RIN3: variants seen among roughly 807,000 people sequenced by gnomAD.
The protein encoded by RIN3 is RAB5 interacting protein 3.
A neutral mutation model predicts 76.3 loss-of-function variants in RIN3; 54 were observed. That is an observed-to-expected ratio of 0.71 (90% CI 0.57 to 0.89). RIN3 has a LOEUF of 0.89. Ranked by LOEUF, RIN3 falls within the 40% of genes least tolerant of loss-of-function variation. The pLI, the probability that RIN3 is intolerant of heterozygous loss-of-function variation, is 0.00. For synonymous variants in RIN3, 576 were observed against 564.0 expected (o/e 1.02, Z -0.30); for missense variants, 1,256 against 1,322.1 (o/e 0.95, Z 0.78).
At chr14:92,523,547 C>T (rs56819425) in intron 1 of RIN3, among the ~76,000 whole-genome samples, 11,140 of 152,288 alleles carry the variant, frequency 0.073, 1,374 homozygotes, top group African/African-American at 0.25. Context: ...CTTTGCAGGG[C>T]GACCTGCAAG....
chr14:92,601,659 C>T (rs866716045), intron 3 of RIN3, among the ~76,000 whole-genome samples: 6 of 152,158 alleles, frequency 3.9e-5, no homozygotes, highest in African/African-American at 1.4e-4. Context: ...GACATCTCCC[C>T]GGCCCTGCGG....
At chr14:92,613,947 G>A (rs1302504296) in intron 3 of RIN3, among the ~76,000 whole-genome samples, 1 of 152,194 alleles carries the variant, frequency 6.6e-6, no homozygotes, top group African/African-American at 2.4e-5. Flanking sequence ...GAGTTGTGGG[G>A]CAGGTGCCTG....
intron 1 of RIN3, among the ~76,000 whole-genome samples, chr14:92,553,248 G>A (rs1346642347): frequency 6.6e-6 from 1 of 152,168 alleles, no homozygotes; most frequent in Non-Finnish European, 1.5e-5. Context: ...TGGCCCGGGG[G>A]AGGCTGGGGC....
chr14:92,536,340 T>C (rs1178341473), intron 1 of RIN3, among the ~76,000 whole-genome samples: 3 of 152,234 alleles, frequency 2.0e-5, no homozygotes, highest in African/African-American at 7.2e-5. Context: ...TCTGTCCTTC[T>C]ATCTCTCCAT....
intron 9 of RIN3, chr14:92,687,471 G>C (rs574058858): frequency 6.1e-6 from 1 of 163,316 alleles, no homozygotes; most frequent in East Asian, 1.9e-4. Context: ...GGCTCTTGCA[G>C]CCCTAAGGGG....
At chr14:92,577,616 G>T in intron 3 of RIN3, 139 bp downstream of exon 3, 1 of 582,990 alleles carries the variant, frequency 1.7e-6, no homozygotes. Flanking sequence ...TTCAGTCACT[G>T]AAGTTACTTA....
In RIN3 at chr14:92,661,666, G is replaced by A. The variant is rs568898024; in HGVS notation, c.2335+2197G>A. On this transcript the variant is annotated intron_variant, in intron 7 of 9. Transcript: ENST00000216487. ...TTGAACCCGGGAGGCAGACGTTGCA[G>A]TGAGCCAAGATCATGCCACAGCATT... 4.0e-5 allele frequency among the ~76,000 whole-genome samples: 6 copies of A among 151,342 alleles called. No individual in the cohort carries two copies. The East Asian group carries it at 9.7e-4, about 25-fold the overall frequency.
intron 2 of RIN3, among the ~76,000 whole-genome samples, chr14:92,567,571 C>A (rs1222109765): frequency 6.6e-6 from 1 of 151,388 alleles, no homozygotes; most frequent in Non-Finnish European, 1.5e-5. Context: ...GACATGGAAG[C>A]TGCATGCCTC....
intron 5 of RIN3, 64 bp from the exon 6 acceptor site, chr14:92,651,518 C>T: frequency 8.1e-7 from 1 of 1,240,250 alleles, no homozygotes. Context: ...ACAGACCCCG[C>T]CCAGCACAGC....
At position 92,561,038 on chromosome 14, in the gene RIN3, A is replaced by ATATATATATATATATATATATAT. The variant is rs1555383834; in HGVS notation, c.249+5083_249+5084insTATATATATATATATATATATAT. Among the ~76,000 whole-genome samples the ATATATATATATATATATATATAT allele has an allele frequency of 3.4e-4, 5 of 14,620 alleles. 1 individual carries two copies. The highest frequency in any genetic ancestry group is 4.8e-3 in the South Asian group (1 of 210). The allele number at this position is 14,620 out of a possible 152,430, so 9.6% of individuals were successfully genotyped here. A position where few individuals can be genotyped will look rare whatever the true frequency, so the allele number is the denominator to read the frequency against. On this transcript the variant is annotated intron_variant, in intron 2 of 9. Transcript: ENST00000216487. ...CTCTGTCTAAAAAAAAAAAAAAAAA[A>ATATATATATATATATATATATAT]AAAAAAATATATATATATCTGCCAT...
intron 4 of RIN3, among the ~76,000 whole-genome samples, chr14:92,632,640 T>C (rs1319715937): frequency 6.6e-6 from 1 of 152,222 alleles, no homozygotes; most frequent in East Asian, 1.9e-4. Flanking sequence ...AAGCCCCAGC[T>C]GCTTCTGCCC....
chr14:92,659,592 T>C, intron 7 of RIN3, 123 bp downstream of exon 7: 1 of 922,734 alleles, frequency 1.1e-6, no homozygotes, highest in Middle Eastern at 2.4e-4. Flanking sequence ...AGAGCCCCCT[T>C]GGGGAGGAAC....
chr14:92,582,613 C>T (rs768183938), intron 3 of RIN3, among the ~76,000 whole-genome samples: 9 of 151,932 alleles, frequency 5.9e-5, no homozygotes, highest in East Asian at 1.9e-4. Flanking sequence ...CCATCACGTC[C>T]GGCTAATTTT....
intron 3 of RIN3, among the ~76,000 whole-genome samples, chr14:92,597,221 A>C (rs971562623): frequency 6.6e-6 from 1 of 152,138 alleles, no homozygotes; most frequent in Non-Finnish European, 1.5e-5. Flanking sequence ...TTTTGGCTGT[A>C]TCTTTGTAGA....
chr14:92,583,651 A>G (rs1884642611), intron 3 of RIN3, among the ~76,000 whole-genome samples: 1 of 152,270 alleles, frequency 6.6e-6, no homozygotes, highest in African/African-American at 2.4e-5. Context: ...ACATTGTATT[A>G]GGTATTAGAA....
intron 1 of RIN3, among the ~76,000 whole-genome samples, chr14:92,541,764 A>G (rs1304778036): frequency 6.6e-6 from 1 of 152,244 alleles, no homozygotes; most frequent in African/African-American, 2.4e-5. Flanking sequence ...CACAAGCAAC[A>G]AAAGAAAACC....
intron 6 of RIN3, among the ~76,000 whole-genome samples, chr14:92,658,616 T>G (rs1887759212): frequency 6.6e-6 from 1 of 152,064 alleles, no homozygotes; most frequent in African/African-American, 2.4e-5. Context: ...TGACATAACC[T>G]GGGCAAGAGA....
At chr14:92,629,207 A>G (rs1033357097) in intron 4 of RIN3, among the ~76,000 whole-genome samples, 5 of 152,090 alleles carry the variant, frequency 3.3e-5, no homozygotes, top group African/African-American at 1.2e-4. Context: ...GAAAAAGAGA[A>G]AGGAGAAAAA....
In RIN3 at chr14:92,554,679, G is replaced by A. The variant is rs71430768; in HGVS notation, c.45-1072G>A. Among the ~76,000 whole-genome samples, 5 of 152,266 alleles carry A rather than the reference G, an allele frequency of 3.3e-5. No homozygotes were observed. In the South Asian group the frequency reaches 1.0e-3, roughly 32 times the overall value. ...TTCACACCTGTAATCCCAGTACTTC[G>A]GGAGGCCGAGGTGGGTGGGTCACTT... On this transcript the variant is annotated intron_variant, in intron 1 of 9. Coordinates refer to ENST00000216487, the MANE Select transcript of RIN3 (RefSeq NM_024832.5).
Sources: allele counts gnomAD v4.1 joint callset (sites outside exome capture counted in the v4.1 genomes callset), GRCh38; gene constraint gnomAD v4.1.1; transcripts MANE v1.5; gene names NCBI Gene and HGNC (gene_info 2026-07-23, HGNC 2026-07-21).